Variants in SNED1 observed in about 807,000 individuals in gnomAD.
SNED1 encodes sushi, nidogen and EGF-like domain-containing protein 1.
In SNED1, 81 loss-of-function variants were observed where a neutral mutation model predicts 166.7. The ratio of observed to expected loss-of-function variants is 0.49; its 90% CI spans 0.41 to 0.58. SNED1 has a LOEUF of 0.58. Among genes scored for constraint, SNED1 ranks in the 20% least tolerant of loss-of-function variants. SNED1 has a pLI of 0.00. For missense variants in SNED1, 1,604 were observed against 2,000.2 expected, an observed-to-expected ratio of 0.80 and a Z score of 3.78; for synonymous variants, 762 against 822.0, an observed-to-expected ratio of 0.93 and a Z score of 1.25.
At chr2:241,005,995 C>T (rs916159245) in intron 1 of SNED1, among the ~76,000 whole-genome samples, 42 of 152,036 alleles carry the variant, frequency 2.8e-4, no homozygotes, top group Non-Finnish European at 1.2e-4. Flanking sequence ...CCTTTCTCTC[C>T]TCTCTTTTGA....
At position 241,034,872 on chromosome 2, in the gene SNED1, G is replaced by A. The variant is rs2074822; in HGVS notation, c.805+142G>A. 0.54 allele frequency: 474,902 copies of A among 879,344 alleles called. 134,345 individuals carry two copies. The highest frequency in any genetic ancestry group is 0.81 in the African/African-American group (47,150 of 58,068). 54.5% of individuals were successfully genotyped at this position (879,344 alleles called of 1,614,324 possible). On this transcript the variant is annotated intron_variant, in intron 4 of 31. Coordinates refer to ENST00000310397, the MANE Select transcript of SNED1 (RefSeq NM_001080437.3). Reference sequence around the variant, plus strand: ...GTGTCCAGCCCAGCCCACCTCAGGCGTGTGAAACTAAGGAAAGCCTGGCTG... The same window carrying A: ...GTGTCCAGCCCAGCCCACCTCAGGCATGTGAAACTAAGGAAAGCCTGGCTG...
intron 1 of SNED1, among the ~76,000 whole-genome samples, chr2:241,007,407 G>A (rs2060250620): frequency 6.6e-6 from 1 of 152,214 alleles, no homozygotes; most frequent in Admixed American, 6.5e-5. Context: ...AACCTTGATT[G>A]CACCCTTGCT....
chr2:241,037,466 T>C, intron 6 of SNED1, 113 bp downstream of exon 6: 1 of 742,030 alleles, frequency 1.3e-6, no homozygotes, highest in South Asian at 1.7e-5. Flanking sequence ...TGCTGCAAGG[T>C]AGACAGCCCA....
At position 241,052,103 on chromosome 2, in the gene SNED1, G is replaced by A; in HGVS notation, c.1915G>A (p.Gly639Ser). ...HNGGTCFHYI[G>S]KYKCDCPPGF... ...CGGCGGCACCTGCTTCCACTACATT[G>A]GCAAATACAAGTGTGACTGTCCCCC... Residue 639 changes from glycine to serine, a missense_variant, in exon 14 of 32, where the codon GGC becomes AGC. This residue lies in a region of SNED1 where 1,237 missense variants were observed against 1,620.8 expected (regional missense o/e 0.76). Transcript: ENST00000310397. 6.2e-7 allele frequency: 1 copy of A among 1,613,904 alleles called. No individual in the cohort carries two copies. The highest frequency in any genetic ancestry group is 1.6e-4 in the Middle Eastern group (1 of 6,062).
chr2:241,093,258 C>T lies in SNED1; in HGVS notation c.*1622C>T, dbSNP rs1202098154. 1 of 152,646 alleles carries T rather than the reference C, an allele frequency of 6.6e-6. No individual in the cohort carries two copies. The highest frequency in any genetic ancestry group is 1.5e-5 in the Non-Finnish European group (1 of 68,044). The allele number at this position is 152,646 out of a possible 1,614,324, so 9.5% of individuals were successfully genotyped here. On this transcript the variant is annotated 3_prime_UTR_variant, in exon 32 of 32. Transcript: ENST00000310397. ...AACTGAGAGAAACCACGTTCACAAA[C>T]GCGTACTGCGGACTTCCTGCCGCCC...
At chr2:241,003,819 CTG>C (rs986556884) in intron 1 of SNED1, among the ~76,000 whole-genome samples, 1 of 152,250 alleles carries the variant, frequency 6.6e-6, no homozygotes, top group African/African-American at 2.4e-5. Context: ...TGTGACACTT[CTG>C]TGTGTGATGG....
chr2:241,052,875 G>A (rs1234250800), intron 15 of SNED1, among the ~76,000 whole-genome samples: 1 of 151,866 alleles, frequency 6.6e-6, no homozygotes, highest in Non-Finnish European at 1.5e-5. Context: ...CAGGGTACAT[G>A]GGATACCAGT....
At position 241,087,871 on chromosome 2, in the gene SNED1, G is replaced by A. The variant is rs564044499; in HGVS notation, c.4205+396G>A. 9.0e-5 allele frequency: 40 copies of A among 444,848 alleles called. No homozygotes were observed. In the Admixed American group the frequency reaches 1.2e-3, roughly 13 times the overall value. The allele number at this position is 444,848 out of a possible 1,614,324, so 27.6% of individuals were successfully genotyped here. On this transcript the variant is annotated intron_variant, in intron 30 of 31. Coordinates refer to ENST00000310397, the MANE Select transcript of SNED1 (RefSeq NM_001080437.3). ...CACAAAGGGTTCAAGGTAGTTACAAGAATTACTACTGTTTGGCGTTTGCTG... is the reference window on the plus strand; with the variant it reads ...CACAAAGGGTTCAAGGTAGTTACAAAAATTACTACTGTTTGGCGTTTGCTG...
chr2:241,082,603 C>T (rs779930703), intron 29 of SNED1, among the ~76,000 whole-genome samples: 5 of 152,212 alleles, frequency 3.3e-5, no homozygotes, highest in South Asian at 4.1e-4. Context: ...AACGCAGGCT[C>T]CTGGTCCCCA....
chr2:241,085,579 A>G (rs756122413), intron 29 of SNED1, among the ~76,000 whole-genome samples: 4 of 151,958 alleles, frequency 2.6e-5, no homozygotes, highest in African/African-American at 4.8e-5. Context: ...GTCTTATTCT[A>G]TTTGATTATT....
Position 241,013,683 on chromosome 2 carries a change from G to A in SNED1, c.213+14633G>A, listed in dbSNP as rs925627737. 9.9e-5 allele frequency among the ~76,000 whole-genome samples: 15 copies of A among 152,178 alleles called. No individual in the cohort carries two copies. The highest frequency in any genetic ancestry group is 2.1e-4 in the South Asian group (1 of 4,816). ...ATTCCACATATAAGTGTCTTTCTGC[G>A]CCTGGCTTATTTCACTGAGCATAAT... On this transcript the variant is annotated intron_variant, in intron 1 of 31. Coordinates refer to ENST00000310397, the MANE Select transcript of SNED1 (RefSeq NM_001080437.3). This position sits in a 1 kb window ranked among gnomAD's most constrained non-coding sequence, Gnocchi z 4.6.
intron 21 of SNED1, 65 bp from the exon 22 acceptor site, chr2:241,067,699 G>A: frequency 7.1e-7 from 1 of 1,405,036 alleles, no homozygotes; most frequent in Non-Finnish European, 9.8e-7. Context: ...GTTTCATCTT[G>A]AGCCCCTGCA....
intron 20 of SNED1, 127 bp downstream of exon 20, chr2:241,065,084 G>A (rs1304772078): frequency 2.4e-6 from 2 of 847,668 alleles, no homozygotes; most frequent in African/African-American, 3.4e-5. Context: ...GAGGAACAGG[G>A]AGGGGATAAA....
intron 1 of SNED1, among the ~76,000 whole-genome samples, chr2:241,021,693 T>C (rs2060779413): frequency 6.6e-6 from 1 of 152,266 alleles, no homozygotes; most frequent in South Asian, 2.1e-4. Context: ...CTGGGATTGG[T>C]TCTACTTTTT....
chr2:240,999,658 T>C lies in SNED1; in HGVS notation c.213+608T>C, dbSNP rs1574820106. Among the ~76,000 whole-genome samples the C allele has an allele frequency of 6.6e-6, 1 of 152,080 alleles. No individual in the cohort carries two copies. Among genetic ancestry groups the C allele is most frequent in the Admixed American group, 6.5e-5 (1 of 15,278 alleles). On this transcript the variant is annotated intron_variant, in intron 1 of 31. Transcript: ENST00000310397. The surrounding 1 kb of genome is among the most constrained non-coding windows in gnomAD (Gnocchi z 5.8). ...GGGGGCTGGCCGCTCAGGCTCAGAC[T>C]CTCCAAACAGGACTCCCAGTGGGAC...
intron 16 of SNED1, 42 bp downstream of exon 16, chr2:241,053,368 A>C: frequency 6.6e-7 from 1 of 1,517,818 alleles, no homozygotes. Flanking sequence ...TGGGGCCCAC[A>C]CCCTCCTCAT....
rs749301672 is a variant in SNED1, at chr2:241,063,975, C to A, written c.2486-37C>A. ...CTCTCCTCCCTCCCCCAGACTCCCC[C>A]CTTGCAGCTTGGGCCCACTCTCTGG... On this transcript the variant is annotated intron_variant, in intron 18 of 31. Transcript: ENST00000310397. 5 of 1,443,088 alleles carry A rather than the reference C, an allele frequency of 3.5e-6. No individual in the cohort carries two copies. The Admixed American group carries it at 5.9e-5, about 17-fold the overall frequency. 89.4% of individuals were successfully genotyped at this position (1,443,088 alleles called of 1,614,324 possible). A position where few individuals can be genotyped will look rare whatever the true frequency, so the allele number is the denominator to read the frequency against.
intron 1 of SNED1, among the ~76,000 whole-genome samples, chr2:241,017,278 A>G (rs1044546465): frequency 3.3e-5 from 5 of 152,256 alleles, no homozygotes; most frequent in African/African-American, 1.2e-4. Flanking sequence ...CTCTCATGTT[A>G]GAGCCTCATG....
chr2:241,076,716 G>T (rs1392394931), intron 27 of SNED1, among the ~76,000 whole-genome samples: 3 of 152,030 alleles, frequency 2.0e-5, no homozygotes, highest in Admixed American at 6.5e-5. Flanking sequence ...ATGGGTTAAG[G>T]ATAGGCATTT....
Sources: gnomAD v4.1 joint callset for allele counts (sites outside exome capture counted in the v4.1 genomes callset) on GRCh38, gnomAD v4.1.1 for gene constraint, gnomAD v4.1.1 regional missense constraint, Gnocchi (gnomAD v3.1) non-coding constraint, MANE v1.5 for transcripts, NCBI Gene and HGNC (gene_info 2026-07-23, HGNC 2026-07-21) for gene names.